The following WDR4 variants were observed in gnomAD, a reference collection of about 807,000 sequenced individuals.
WDR4 encodes the protein tRNA (guanine-N(7)-)-methyltransferase non-catalytic subunit WDR4.
A neutral mutation model predicts 48.6 loss-of-function variants in WDR4; 47 were observed. That is an observed-to-expected ratio of 0.97 (90% confidence interval 0.77 to 1.23). The LOEUF is 1.23. Ranked by LOEUF, WDR4 falls within the 50% of genes most tolerant of loss-of-function variation. The pLI, the probability that WDR4 is intolerant of heterozygous loss-of-function variation, is 0.00. For missense variants in WDR4, 606 were observed against 551.6 expected, an observed-to-expected ratio of 1.10 and a Z score of -0.99; for synonymous variants, 268 against 230.0, an observed-to-expected ratio of 1.17 and a Z score of -1.49.
At chr21:42,859,283 G>GA (rs917357398) in intron 6 of WDR4, among the ~76,000 whole-genome samples, 96 of 151,796 alleles carry the variant, frequency 6.3e-4, no homozygotes, top group Admixed American at 4.7e-3. Context: ...GAAAGAAAAG[G>GA]AAAAAAAATG....
Position 42,854,563 on chromosome 21 carries a change from C to T in WDR4, c.790G>A (p.Gly264Ser), listed in dbSNP as rs370186752. 8.4e-5 allele frequency: 135 copies of T among 1,613,092 alleles called. No homozygotes were observed. Among genetic ancestry groups the T allele is most frequent in the Non-Finnish European group, 1.1e-4 (130 of 1,179,704 alleles). Residue 264 changes from glycine to serine, a missense_variant and splice_region_variant, in exon 8 of 11, where the codon GGC becomes AGC. Coordinates refer to ENST00000398208, the MANE Select transcript of WDR4 (RefSeq NM_018669.6). ...CATAGAGGTGCCGCCGCAGCTTACC[C>T]GTCGCACAGGAGCGCCACGCAGTTC... ...QENCVALLCD[G>S]TPVVYIFQLD...
At position 42,863,539 on chromosome 21, in the gene WDR4, C is replaced by T. The variant is rs1470311675; in HGVS notation, c.354G>A (p.Leu118=). ...LTFIASEEKV[L]VADKSGDVYS... is the part of the protein sequence containing the mutation. Reference sequence around the variant, plus strand: ...AGACGTCTCCAGACTTGTCGGCCACCAAGACCTTCTCCTCCGAGGCTATGA... The same window carrying T: ...AGACGTCTCCAGACTTGTCGGCCACTAAGACCTTCTCCTCCGAGGCTATGA... Residue 118 remains leucine, a synonymous_variant, in exon 4 of 11, where the codon TTG becomes TTA. Coordinates refer to ENST00000398208, the MANE Select transcript of WDR4 (RefSeq NM_018669.6). The T allele has an allele frequency of 6.2e-7, 1 of 1,614,072 alleles. No individual in the cohort carries two copies. The highest frequency in any genetic ancestry group is 1.1e-5 in the South Asian group (1 of 91,066).
intron 1 of WDR4, chr21:42,878,917 CAGACAACCCTGCAAAA>C (rs2058562984): frequency 1.0e-6 from 1 of 979,600 alleles, no homozygotes; most frequent in Non-Finnish European, 1.2e-6. Context: ...GAAGAGGGAA[CAGACAACCCTGCAAAA>C]AGAGGGAGCG....
chr21:42,850,001 A>C lies in WDR4; in HGVS notation c.*48T>G. The C allele has an allele frequency of 6.3e-7, 1 of 1,590,870 alleles. No homozygotes were observed. The highest frequency in any genetic ancestry group is 8.6e-7 in the Non-Finnish European group (1 of 1,166,652). On this transcript the variant is annotated 3_prime_UTR_variant, in exon 11 of 11. Transcript: ENST00000398208. ...ATGCCAGGATGCAGGGGAACAAGTT[A>C]AAAAGCTTTTCCTAATTTGAGGTGA...
intron 9 of WDR4, among the ~76,000 whole-genome samples, chr21:42,852,837 C>T (rs1419546023): frequency 6.6e-6 from 1 of 151,970 alleles, no homozygotes; most frequent in South Asian, 2.1e-4. Context: ...ATCACTTGAA[C>T]CCGGGAGGCG....
the WDR4 span, among the ~76,000 whole-genome samples, chr21:42,884,769 A>G: frequency 1.3e-5 from 2 of 151,766 alleles, no homozygotes; most frequent in Non-Finnish European, 2.9e-5. Flanking sequence ...ATCACTTGTT[A>G]TTATGTCTTT....
the WDR4 span, among the ~76,000 whole-genome samples, chr21:42,890,039 G>C: frequency 4.0e-5 from 6 of 151,632 alleles, no homozygotes; most frequent in African/African-American, 1.5e-4. Flanking sequence ...CTATAACCAA[G>C]CCACTGCACT....
intron 7 of WDR4, among the ~76,000 whole-genome samples, 164 bp downstream of exon 7, chr21:42,855,518 A>G (rs570182518): frequency 1.1e-4 from 16 of 152,324 alleles, no homozygotes; most frequent in Non-Finnish European, 1.9e-4. Context: ...CACTGACATG[A>G]CGAGCCACCT....
Position 42,853,748 on chromosome 21 carries a change from G to A in WDR4, c.796C>T (p.Pro266Ser), listed in dbSNP as rs15736. 599,097 of 1,553,582 alleles carry A rather than the reference G, an allele frequency of 0.39. 121,176 individuals are homozygous for A. The highest frequency in any genetic ancestry group is 0.63 in the African/African-American group (46,316 of 73,478). Residue 266 changes from proline to serine, a missense_variant, in exon 9 of 11, where the codon CCT becomes TCT. Transcript: ENST00000398208. ...TCCAGCTGGAAGATGTAGACCACAG[G>A]AGTGCTTGCCACGAAGAAAGAGAGC... ...NCVALLCDGT[P>S]VVYIFQLDAR...
rs2058162026 is a variant in WDR4, at chr21:42,863,334, CCTTGACA to C, written c.453+99_453+105del. The C allele has an allele frequency of 2.2e-6, 3 of 1,395,220 alleles. No individual in the cohort carries two copies. The South Asian group carries it at 4.2e-5, about 19-fold the overall frequency. 86.4% of individuals were successfully genotyped at this position (1,395,220 alleles called of 1,614,324 possible). A position where few individuals can be genotyped will look rare whatever the true frequency, so the allele number is the denominator to read the frequency against. On this transcript the variant is annotated intron_variant, in intron 4 of 10. Coordinates refer to ENST00000398208, the MANE Select transcript of WDR4 (RefSeq NM_018669.6). ...CTAACAGCATGGACAGGTGCCTGAG[CCTTGACA>C]GGGTAGACATTGACTCAGCGTATGC...
chr21:42,884,247 C>T (rs549203478), upstream of WDR4, among the ~76,000 whole-genome samples: 1 of 152,168 alleles, frequency 6.6e-6, no homozygotes, highest in Non-Finnish European at 1.5e-5. Context: ...GAACATTCCA[C>T]TGGGAATGGA....
rs1162751681 is a variant in WDR4, at chr21:42,862,421, A to C, written c.454-27T>G. 6.4e-7 allele frequency: 1 copy of C among 1,563,126 alleles called. No individual in the cohort carries two copies. Among genetic ancestry groups the C allele is most frequent in the Non-Finnish European group, 8.7e-7 (1 of 1,151,450 alleles). The stretch of plus-strand genomic sequence containing the variant: ...TGCATCACCAGGGGCCAGAAAAGAA[A>C]AAGCCGCTCACCTGAGTCTTCCCGA... On this transcript the variant is annotated intron_variant, in intron 4 of 10. Coordinates refer to ENST00000398208, the MANE Select transcript of WDR4 (RefSeq NM_018669.6). The surrounding 1 kb of genome is among the most constrained non-coding windows in gnomAD (Gnocchi z 4.3).
At chr21:42,864,107 C>CAAAA (rs776906461) in intron 3 of WDR4, among the ~76,000 whole-genome samples, 70 of 50,512 alleles carry the variant, frequency 1.4e-3, no homozygotes, top group African/African-American at 2.5e-3. Flanking sequence ...GACTCCGTCT[C>CAAAA]AAAAAAAAAA....
At chr21:42,875,978 G>A (rs1283825135) in intron 2 of WDR4, among the ~76,000 whole-genome samples, 1 of 145,648 alleles carries the variant, frequency 6.9e-6, no homozygotes, top group African/African-American at 2.6e-5. Context: ...AGAGTGCGGT[G>A]GCGCAACCTC....
At chr21:42,885,245 CT>C in the WDR4 span, among the ~76,000 whole-genome samples, 77 of 152,234 alleles carry the variant, frequency 5.1e-4, no homozygotes, top group Non-Finnish European at 9.1e-4. Flanking sequence ...CATTTTCCCC[CT>C]TCTCCTCCTC....
intron 4 of WDR4, 76 bp downstream of exon 4, chr21:42,863,364 T>C: frequency 6.6e-7 from 1 of 1,524,400 alleles, no homozygotes; most frequent in Non-Finnish European, 8.9e-7. Flanking sequence ...ACTCAGCGTA[T>C]GCCCCACGTG....
At chr21:42,861,004 C>G (rs1268399980) in intron 5 of WDR4, among the ~76,000 whole-genome samples, 3 of 152,164 alleles carry the variant, frequency 2.0e-5, no homozygotes, top group Non-Finnish European at 4.4e-5. Flanking sequence ...AATTTGCCAG[C>G]CACTATGTTG....
chr21:42,847,699 T>C (rs2057722787), downstream of WDR4, among the ~76,000 whole-genome samples: 1 of 152,252 alleles, frequency 6.6e-6, no homozygotes, highest in African/African-American at 2.4e-5. Flanking sequence ...TAATGAAATG[T>C]GAATTTCATG....
intron 6 of WDR4, 104 bp downstream of exon 6, chr21:42,859,558 C>CCTGGGGCCAGCGATCCA: frequency 1.2e-6 from 1 of 820,430 alleles, no homozygotes; most frequent in Admixed American, 2.3e-5. Context: ...CCACAGCCAG[C>CCTGGGGCCAGCGATCCA]CAGGGGCCAG....
Sources: gnomAD v4.1 joint callset for allele counts (sites outside exome capture counted in the v4.1 genomes callset) on GRCh38, gnomAD v4.1.1 for gene constraint, Gnocchi (gnomAD v3.1) non-coding constraint, MANE v1.5 for transcripts, NCBI Gene and HGNC (gene_info 2026-07-23, HGNC 2026-07-21) for gene names.